The following ANK2 variants were observed in gnomAD, a reference collection of about 807,000 sequenced individuals.
ANK2 encodes the protein ankyrin-2.
Under a neutral mutation model 360.5 loss-of-function variants are expected in ANK2, and 83 were observed. The ratio of observed to expected loss-of-function variants is 0.23; its 90% CI spans 0.19 to 0.28. The LOEUF (loss-of-function observed/expected upper bound fraction) is 0.28, where lower values mean the gene tolerates loss of function less well. Ranked by LOEUF, ANK2 falls within the 10% of genes least tolerant of loss-of-function variation. ANK2 has a pLI of 1.00. For missense variants in ANK2, 4,201 were observed against 4,795.7 expected, an observed-to-expected ratio of 0.88 and a Z score of 3.66; for synonymous variants, 1,740 against 1,759.5, an observed-to-expected ratio of 0.99 and a Z score of 0.28.
At chr4:113,161,074 G>A (rs994694902) in intron 1 of ANK2, among the ~76,000 whole-genome samples, 10 of 152,272 alleles carry the variant, frequency 6.6e-5, no homozygotes, top group African/African-American at 2.4e-4. Flanking sequence ...TTGGGCATCT[G>A]GGCTAAAGTT....
chr4:113,382,124 A>G lies in ANK2; in HGVS notation c.*653A>G, dbSNP rs907798207. ...ATAAAAGGCCTCTAGAAATTGCTGA[A>G]CAATGGTTAATTAAGATATTGCTAA... On this transcript the variant is annotated 3_prime_UTR_variant, in exon 46 of 46. Coordinates refer to ENST00000357077, the MANE Select transcript of ANK2 (RefSeq NM_001148.6). The G allele has an allele frequency of 5.9e-6, 1 of 170,092 alleles. No individual in the cohort carries two copies. Among genetic ancestry groups the G allele is most frequent in the Non-Finnish European group, 1.3e-5 (1 of 76,356 alleles). The allele number at this position is 170,092 out of a possible 1,614,324, so 10.5% of individuals were successfully genotyped here.
At chr4:112,902,965 G>A (rs1337511168) in intron 1 of ANK2, among the ~76,000 whole-genome samples, 1 of 152,124 alleles carries the variant, frequency 6.6e-6, no homozygotes, top group Non-Finnish European at 1.5e-5. Flanking sequence ...AGAGCCTCCT[G>A]GAAACTGAAG....
intron 2 of ANK2, among the ~76,000 whole-genome samples, chr4:112,928,117 C>T (rs1373246283): frequency 2.6e-5 from 4 of 152,050 alleles, no homozygotes; most frequent in Non-Finnish European, 5.9e-5. Flanking sequence ...CTGTGATAAC[C>T]TGCTTATTAA....
intron 1 of ANK2, chr4:113,116,923 T>C (rs1304582290): frequency 1.3e-5 from 3 of 231,600 alleles, no homozygotes. Flanking sequence ...CTTTTTCAAC[T>C]AGTAGGATGC....
intron 1 of ANK2, among the ~76,000 whole-genome samples, chr4:112,887,858 A>G (rs1046604383): frequency 1.3e-5 from 2 of 152,080 alleles, no homozygotes; most frequent in African/African-American, 2.4e-5. Flanking sequence ...TATCCCCAGT[A>G]TTTTCCATTC....
At chr4:113,263,800 T>C (rs1489139772) in intron 13 of ANK2, among the ~76,000 whole-genome samples, 1 of 152,242 alleles carries the variant, frequency 6.6e-6, no homozygotes, top group Non-Finnish European at 1.5e-5. Context: ...TATCTTATTC[T>C]AACTGTAAAA....
chr4:112,820,982 G>A (rs1315311477), intron 1 of ANK2, among the ~76,000 whole-genome samples: 1 of 152,088 alleles, frequency 6.6e-6, no homozygotes, highest in African/African-American at 2.4e-5. Flanking sequence ...CGCGATCTTG[G>A]CTCACCGCAA....
At chr4:112,789,394 G>C in the ANK2 span, among the ~76,000 whole-genome samples, 1 of 152,172 alleles carries the variant, frequency 6.6e-6, no homozygotes. Flanking sequence ...GAAATTCTTA[G>C]ACGAAGAGGG....
Position 113,305,461 on chromosome 4 carries a change from A to T in ANK2, c.2548+2622A>T, listed in dbSNP as rs115455985. Among the ~76,000 whole-genome samples the T allele has an allele frequency of 7.6e-3, 1,162 of 152,200 alleles. 14 individuals are homozygous for T. The highest frequency in any genetic ancestry group is 0.026 in the African/African-American group (1,089 of 41,524). On this transcript the variant is annotated intron_variant, in intron 23 of 45. Coordinates refer to ENST00000357077, the MANE Select transcript of ANK2 (RefSeq NM_001148.6). ...ATATTAAATATTACTGGTGATAAGA[A>T]CTCTTGGTTTGTGAAGAATATTGGT... is the stretch of plus-strand genomic sequence containing the variant.
intron 2 of ANK2, among the ~76,000 whole-genome samples, chr4:113,017,904 T>C (rs182664803): frequency 6.6e-6 from 1 of 152,200 alleles, no homozygotes; most frequent in Non-Finnish European, 1.5e-5. Context: ...TCCTCTGATA[T>C]TGAAAACATT....
rs889004173 is a variant in ANK2 at position 113,122,527 on chromosome 4, CA to C, written c.85-51888del. On this transcript the variant is annotated intron_variant, in intron 1 of 45. Coordinates refer to ENST00000357077, the MANE Select transcript of ANK2 (RefSeq NM_001148.6). ...TGGAATTGTCTTTATGTTAACTTCC[CA>C]GAACCCCTTCATCAGTATGTCAGTA... Among the ~76,000 whole-genome samples, 28 of 152,136 alleles carry C rather than the reference CA, an allele frequency of 1.8e-4. No homozygotes were observed. The Middle Eastern group carries it at 0.01, about 55-fold the overall frequency.
At chr4:113,216,001 G>T (rs2099081328) in intron 4 of ANK2, among the ~76,000 whole-genome samples, 2 of 152,066 alleles carry the variant, frequency 1.3e-5, no homozygotes. Flanking sequence ...TGAAAATAAA[G>T]GATTATCTGC....
At chr4:113,133,422 G>A (rs971227351) in intron 1 of ANK2, among the ~76,000 whole-genome samples, 2 of 152,178 alleles carry the variant, frequency 1.3e-5, no homozygotes, top group Admixed American at 6.5e-5. Context: ...TTTAGGGGAA[G>A]AAAATTATGC....
At chr4:113,150,019 T>TC (rs2096994321) in intron 1 of ANK2, among the ~76,000 whole-genome samples, 1 of 151,966 alleles carries the variant, frequency 6.6e-6, no homozygotes, top group South Asian at 2.1e-4. Flanking sequence ...GAGAATTCAC[T>TC]GGCTGCACGA....
chr4:112,751,666 AAATGTAGGAACAGG>A, the ANK2 span, among the ~76,000 whole-genome samples: 2 of 152,268 alleles, frequency 1.3e-5, no homozygotes, highest in East Asian at 3.9e-4. Context: ...GCTTTAACAA[AAATGTAGGAACAGG>A]AATGCACCCA....
At chr4:112,732,345 A>G in the ANK2 span, among the ~76,000 whole-genome samples, 7 of 99,612 alleles carry the variant, frequency 7.0e-5, no homozygotes, top group South Asian at 2.6e-3. Context: ...AAACTACTCA[A>G]ACTACTGGGC....
At chr4:113,078,742 C>A (rs2081142242) in intron 1 of ANK2, among the ~76,000 whole-genome samples, 1 of 152,158 alleles carries the variant, frequency 6.6e-6, no homozygotes, top group African/African-American at 2.4e-5. Flanking sequence ...TGCTGCTCAC[C>A]ACTTTATAAC....
Position 113,355,825 on chromosome 4 carries a change from A to G in ANK2, c.7207A>G (p.Ile2403Val), listed in dbSNP as rs965843996. The G allele has an allele frequency of 6.2e-7, 1 of 1,614,002 alleles. No homozygotes were observed. Among genetic ancestry groups the G allele is most frequent in the Admixed American group, 1.7e-5 (1 of 60,002 alleles). ...AACTGAATCAAAACCTCAGGGAGTC[A>G]TTAGAAGTCCCCAAGGGTTAGAACT... ...TGTESKPQGV[I>V]RSPQGLELAL... Residue 2403 changes from isoleucine to valine, a missense_variant, in exon 38 of 46, where the codon ATT becomes GTT. Ile to Val is a conservative substitution (Grantham distance 29, BLOSUM62 3). This residue lies in a region of ANK2 where 2,642 missense variants were observed against 2,714.5 expected (regional missense o/e 0.97). Coordinates refer to ENST00000357077, the MANE Select transcript of ANK2 (RefSeq NM_001148.6).
At chr4:112,807,438 G>A in the ANK2 span, among the ~76,000 whole-genome samples, 27 of 152,314 alleles carry the variant, frequency 1.8e-4, no homozygotes, top group Non-Finnish European at 3.4e-4. Context: ...GCAGAACACT[G>A]AAAATGGGCA....
Sources: allele counts gnomAD v4.1 joint callset (sites outside exome capture counted in the v4.1 genomes callset), GRCh38; gene constraint gnomAD v4.1.1; regional missense constraint gnomAD v4.1.1; transcripts MANE v1.5; gene names NCBI Gene and HGNC (gene_info 2026-07-23, HGNC 2026-07-21).